Variants in THOC1 observed in about 807,000 individuals in gnomAD.
THOC1 encodes the protein THO complex 1.
A neutral mutation model predicts 97.3 loss-of-function variants in THOC1; 29 were observed. The ratio of observed to expected loss-of-function variants is 0.30; its 90% confidence interval spans 0.22 to 0.41. The LOEUF (loss-of-function observed/expected upper bound fraction) is 0.41, where lower values mean the gene tolerates loss of function less well. Among genes scored for constraint, THOC1 ranks in the 10% least tolerant of loss-of-function variants. The probability of loss-of-function intolerance (pLI) is 1.00; values close to 1 mark genes in which losing one functional copy is unlikely to be tolerated. For synonymous variants in THOC1, 255 were observed against 257.0 expected, an observed-to-expected ratio of 0.99 and a Z score of 0.07; for missense variants, 529 against 761.9, an observed-to-expected ratio of 0.69 and a Z score of 3.60.
At chr18:233,832 G>T (rs1359888702) in intron 11 of THOC1, among the ~76,000 whole-genome samples, 1 of 152,074 alleles carries the variant, frequency 6.6e-6, no homozygotes, top group African/African-American at 2.4e-5. Context: ...CATAGAAATA[G>T]TAAGACTAAC....
At chr18:224,834 G>T in intron 15 of THOC1, 90 bp downstream of exon 15, 1 of 1,024,992 alleles carries the variant, frequency 9.8e-7, no homozygotes, top group Non-Finnish European at 1.5e-6. Flanking sequence ...ATTTTTACAT[G>T]CTATAATCAT....
chr18:234,790 T>C (rs1326686978), intron 11 of THOC1, among the ~76,000 whole-genome samples: 7 of 152,302 alleles, frequency 4.6e-5, no homozygotes, highest in African/African-American at 1.7e-4. Context: ...ATTTGTGAGT[T>C]TGTAAGACAT....
chr18:256,956 C>T (rs1338488793), intron 7 of THOC1, among the ~76,000 whole-genome samples: 5 of 152,152 alleles, frequency 3.3e-5, no homozygotes, highest in Admixed American at 6.5e-5. Context: ...AGGTAAGACC[C>T]CCACCAGCAA....
At chr18:215,355 A>AAT in intron 20 of THOC1, 74 bp downstream of exon 20, 1 of 1,121,086 alleles carries the variant, frequency 8.9e-7, no homozygotes, top group South Asian at 1.3e-5. Context: ...GATCAAATTA[A>AAT]ATAATGTACC....
At chr18:238,356 T>C (rs1414251608) in intron 11 of THOC1, among the ~76,000 whole-genome samples, 2 of 152,148 alleles carry the variant, frequency 1.3e-5, no homozygotes, top group African/African-American at 4.8e-5. Context: ...GAAGATACAG[T>C]CTCAAATTAA....
chr18:260,276 T>C lies in THOC1; in HGVS notation c.285A>G (p.Val95=). 1 of 1,592,210 alleles carries C rather than the reference T, an allele frequency of 6.3e-7. No individual in the cohort carries two copies. The highest frequency in any genetic ancestry group is 8.5e-7 in the Non-Finnish European group (1 of 1,170,230). The part of the protein sequence containing the change: ...EGICTASTPF[V]LLGDVLDCLP... ...GACAATCCAAAACATCTCCCAACAATACAAAAGGTGTAGATGCGGTACAAA... is the reference window on the plus strand; with the variant it reads ...GACAATCCAAAACATCTCCCAACAACACAAAAGGTGTAGATGCGGTACAAA... The change falls in exon 5 of 21, where the codon GTA becomes GTG. Residue 95 remains valine (V), a synonymous_variant. Coordinates refer to ENST00000261600, the MANE Select transcript of THOC1 (RefSeq NM_005131.3).
At chr18:237,844 T>C (rs963669583) in intron 11 of THOC1, among the ~76,000 whole-genome samples, 1 of 152,130 alleles carries the variant, frequency 6.6e-6, no homozygotes, top group African/African-American at 2.4e-5. Context: ...TAAAAACAAC[T>C]AAATTATAAA....
At chr18:236,378 C>CGGA (rs1911689281) in intron 11 of THOC1, among the ~76,000 whole-genome samples, 1 of 110,032 alleles carries the variant, frequency 9.1e-6, no homozygotes, top group African/African-American at 3.5e-5. Flanking sequence ...TTTTTTGAGA[C>CGGA]GGAGTCTCGC....
At chr18:235,611 G>A (rs1246127258) in intron 11 of THOC1, among the ~76,000 whole-genome samples, 1 of 152,036 alleles carries the variant, frequency 6.6e-6, no homozygotes, top group African/African-American at 2.4e-5. Context: ...CCTGGGAAAT[G>A]CATTTTTATG....
At chr18:215,360 T>C (rs1567840522) in intron 20 of THOC1, 69 bp downstream of exon 20, 23 of 1,153,252 alleles carry the variant, frequency 2.0e-5, no homozygotes, top group Non-Finnish European at 2.5e-5. Flanking sequence ...AATTAAATAA[T>C]GTACCTATCA....
chr18:267,023 AT>A (rs1567859880), intron 1 of THOC1, among the ~76,000 whole-genome samples: 2 of 148,784 alleles, frequency 1.3e-5, no homozygotes, highest in African/African-American at 2.5e-5. Context: ...ATATATGTAT[AT>A]ATATATATAT....
Position 224,169 on chromosome 18 carries a change from T to C in THOC1, c.1219A>G (p.Thr407Ala). Residue 407 changes from threonine to alanine, a missense_variant, in exon 16 of 21, where the codon ACC (threonine) becomes GCC (alanine). This residue lies in a region of THOC1 where 123 missense variants were observed against 159.0 expected (regional missense o/e 0.77). Transcript: ENST00000261600. The stretch of plus-strand genomic sequence containing the variant: ...TTCCGAATTATTCTCGTAGGTTTGG[T>C]ATCTGATGTTCTGTCGTGAACAAAA... ...PSFVKERTSD[T>A]KPTRIIRKRT... is the part of the protein sequence containing the mutation. 1 of 1,608,352 alleles carries C rather than the reference T, an allele frequency of 6.2e-7. No homozygotes were observed. The highest frequency in any genetic ancestry group is 8.5e-7 in the Non-Finnish European group (1 of 1,176,842).
chr18:268,006 G>A lies in THOC1; in HGVS notation c.14C>T (p.Pro5Leu), dbSNP rs761201235. 3.1e-6 allele frequency: 5 copies of A among 1,608,202 alleles called. No individual in the cohort carries two copies. Among genetic ancestry groups the A allele is most frequent in the South Asian group, 1.1e-5 (1 of 90,210 alleles). The stretch of plus-strand genomic sequence containing the variant: ...CGCTTCGGGCAAACTGAAGAGCGGC[G>A]GCGTCGGAGACATCTTCTCGGCTGC... MSPTPPLFSLPEART... is the reference protein window; with the variant it reads MSPTLPLFSLPEART... Residue 5 changes from proline (P) to leucine (L), a missense_variant, in exon 1 of 21, where the codon CCG (proline) becomes CTG (leucine). Pro to Leu is a moderately conservative substitution (Grantham distance 98). Coordinates refer to ENST00000261600, the MANE Select transcript of THOC1 (RefSeq NM_005131.3).
At chr18:221,720 T>G (rs1911091053) in intron 17 of THOC1, among the ~76,000 whole-genome samples, 1 of 150,130 alleles carries the variant, frequency 6.7e-6, no homozygotes, top group African/African-American at 2.4e-5. Flanking sequence ...GCCATTCTCC[T>G]GCCTCAGCCT....
In THOC1 at chr18:229,925, C is replaced by G. The variant is rs1035315547; in HGVS notation, c.919-3024G>C. On this transcript the variant is annotated intron_variant, in intron 11 of 20. Transcript: ENST00000261600. Reference sequence around the variant, plus strand: ...TTTTCTTCTCTTCTGAATCTACACTCTCCCCTTTAGCTCATTTCATACACT... The same window carrying G: ...TTTTCTTCTCTTCTGAATCTACACTGTCCCCTTTAGCTCATTTCATACACT... 2.0e-5 allele frequency among the ~76,000 whole-genome samples: 3 copies of G among 152,274 alleles called. No individual in the cohort carries two copies. The East Asian group carries it at 5.8e-4, about 29-fold the overall frequency.
intron 1 of THOC1, among the ~76,000 whole-genome samples, chr18:265,808 CA>C (rs34672376): frequency 0.21 from 29,927 of 144,612 alleles, 3,178 homozygotes; most frequent in East Asian, 0.33. Context: ...ATTGTGCTTA[CA>C]AAAAAAAAAA....
chr18:237,158 T>A (rs1229954983), intron 11 of THOC1, among the ~76,000 whole-genome samples: 1 of 23,584 alleles, frequency 4.2e-5, no homozygotes, highest in Non-Finnish European at 1.2e-4. Flanking sequence ...ATGTACTGGA[T>A]TTTTTTTTTT....
chr18:222,358 G>A (rs1911121996), intron 17 of THOC1, among the ~76,000 whole-genome samples: 1 of 152,094 alleles, frequency 6.6e-6, no homozygotes, highest in Non-Finnish European at 1.5e-5. Flanking sequence ...GTTTCCTTAA[G>A]ACAGCTTTTT....
intron 5 of THOC1, 137 bp from the exon 6 acceptor site, chr18:259,867 AAAT>A (rs1265020310): frequency 5.2e-6 from 3 of 579,138 alleles, no homozygotes; most frequent in Non-Finnish European, 8.8e-6. Context: ...TTTTTTAAGC[AAAT>A]AACATTTTCA....
Sources: allele counts gnomAD v4.1 joint callset (sites outside exome capture counted in the v4.1 genomes callset), GRCh38; gene constraint gnomAD v4.1.1; regional missense constraint gnomAD v4.1.1; transcripts MANE v1.5; gene names NCBI Gene and HGNC (gene_info 2026-07-23, HGNC 2026-07-21).